The following PARP15 variants were observed in gnomAD, a reference collection of about 807,000 sequenced individuals.
PARP15 encodes protein mono-ADP-ribosyltransferase PARP15.
In PARP15, 50 loss-of-function variants were observed where a neutral mutation model predicts 62.1. The ratio of observed to expected loss-of-function variants is 0.81; its 90% confidence interval spans 0.64 to 1.02. The LOEUF (loss-of-function observed/expected upper bound fraction) is 1.02. Ranked by LOEUF, PARP15 falls within the 50% of genes least tolerant of loss-of-function variation. The probability of loss-of-function intolerance (pLI) is 0.00; values close to 1 mark genes in which losing one functional copy is unlikely to be tolerated. For synonymous variants in PARP15, 309 were observed against 293.1 expected, an observed-to-expected ratio of 1.05 and a Z score of -0.55; for missense variants, 820 against 826.5, an observed-to-expected ratio of 0.99 and a Z score of 0.10.
chr3:122,583,350 C>T (rs1427620863), intron 1 of PARP15, among the ~76,000 whole-genome samples: 1 of 151,724 alleles, frequency 6.6e-6, no homozygotes, highest in Non-Finnish European at 1.5e-5. Flanking sequence ...TGGTCTCAAA[C>T]TCCTGACCTC....
At chr3:122,611,916 G>C (rs1330596029) in intron 3 of PARP15, among the ~76,000 whole-genome samples, 2 of 151,938 alleles carry the variant, frequency 1.3e-5, no homozygotes, top group Non-Finnish European at 2.9e-5. Flanking sequence ...ATTTCTCCAT[G>C]TTGGTCAGGC....
At chr3:122,633,619 T>C (rs539592351) in intron 10 of PARP15, among the ~76,000 whole-genome samples, 1 of 152,140 alleles carries the variant, frequency 6.6e-6, no homozygotes, top group Non-Finnish European at 1.5e-5. Flanking sequence ...TGAAGTAATA[T>C]AAGAAATCTA....
At chr3:122,618,146 C>A (rs942395979) in intron 6 of PARP15, among the ~76,000 whole-genome samples, 1 of 152,144 alleles carries the variant, frequency 6.6e-6, no homozygotes, top group Non-Finnish European at 1.5e-5. Flanking sequence ...ACTTACCATG[C>A]AGAAGTGAAT....
chr3:122,599,372 C>CAA (rs35376492), intron 1 of PARP15, among the ~76,000 whole-genome samples: 20 of 134,322 alleles, frequency 1.5e-4, no homozygotes, highest in African/African-American at 3.0e-4. Context: ...GACATAGTCT[C>CAA]AAAAAAAAAA....
chr3:122,612,285 A>G (rs115067738), intron 3 of PARP15, among the ~76,000 whole-genome samples: 5,668 of 145,258 alleles, frequency 0.039, 361 homozygotes, highest in African/African-American at 0.13. Flanking sequence ...GAACTCAAGG[A>G]CTCAAGCGAT....
intron 3 of PARP15, among the ~76,000 whole-genome samples, chr3:122,612,805 T>C (rs917338464): frequency 1.3e-5 from 2 of 152,062 alleles, no homozygotes; most frequent in Non-Finnish European, 2.9e-5. Context: ...TTAGTTACAT[T>C]GAGCTACCAT....
chr3:122,603,571 G>A (rs1559948876), intron 1 of PARP15, among the ~76,000 whole-genome samples: 1 of 152,170 alleles, frequency 6.6e-6, no homozygotes, highest in East Asian at 1.9e-4. Context: ...GTGAAGAGTT[G>A]TAACACAATT....
rs1364189657 is a variant in PARP15, at chr3:122,636,450, T to G, written c.*350T>G. ...TGACATTGTTCTTCTTGGAACATGT[T>G]AAGACATCGAATGGTGGCGGGTTAA... is the stretch of plus-strand genomic sequence containing the variant. On this transcript the variant is annotated 3_prime_UTR_variant, in exon 12 of 12. Transcript: ENST00000464300. 1 of 242,584 alleles carries G rather than the reference T, an allele frequency of 4.1e-6. No homozygotes were observed. The highest frequency in any genetic ancestry group is 8.1e-6 in the Non-Finnish European group (1 of 123,676). 15.0% of individuals were successfully genotyped at this position (242,584 alleles called of 1,614,324 possible). A position where few individuals can be genotyped will look rare whatever the true frequency, so the allele number is the denominator to read the frequency against.
chr3:122,577,653 C>A lies in PARP15; in HGVS notation c.-15C>A. 6 of 1,551,508 alleles carry A rather than the reference C, an allele frequency of 3.9e-6. No homozygotes were observed. Among genetic ancestry groups the A allele is most frequent in the South Asian group, 1.2e-5 (1 of 84,014 alleles). The stretch of plus-strand genomic sequence containing the variant: ...CTGTTGGGTGGGGCGCAACTGCAGT[C>A]CCAGCGAGCTGAGGATGGCTGCGCC... On this transcript the variant is annotated 5_prime_UTR_variant, in exon 1 of 12. Transcript: ENST00000464300.
At chr3:122,598,955 G>A (rs1934574990) in intron 1 of PARP15, among the ~76,000 whole-genome samples, 1 of 151,986 alleles carries the variant, frequency 6.6e-6, no homozygotes, top group Non-Finnish European at 1.5e-5. Flanking sequence ...GAGTGCAGTG[G>A]CGTGATCTCA....
intron 6 of PARP15, 24 bp from the exon 7 acceptor site, chr3:122,619,757 T>A: frequency 2.5e-6 from 4 of 1,585,270 alleles, no homozygotes; most frequent in Non-Finnish European, 3.5e-6. Context: ...CTGATGCCTT[T>A]TACCATTAAC....
chr3:122,611,790 C>T (rs1217818529), intron 3 of PARP15, among the ~76,000 whole-genome samples: 1 of 151,388 alleles, frequency 6.6e-6, no homozygotes, highest in East Asian at 2.0e-4. Flanking sequence ...TCTTGGCTCA[C>T]CGCAGCCTCC....
chr3:122,579,700 C>T (rs1017636777), intron 1 of PARP15, among the ~76,000 whole-genome samples: 1 of 151,748 alleles, frequency 6.6e-6, no homozygotes, highest in African/African-American at 2.4e-5. Flanking sequence ...TATTGAGGGC[C>T]GGTCGCGGTG....
At chr3:122,599,065 T>C (rs1934583701) in intron 1 of PARP15, among the ~76,000 whole-genome samples, 1 of 151,968 alleles carries the variant, frequency 6.6e-6, no homozygotes, top group African/African-American at 2.4e-5. Context: ...TCAGCTAATT[T>C]TTTGTATTTT....
At chr3:122,583,250 G>A (rs543545669) in intron 1 of PARP15, among the ~76,000 whole-genome samples, 7 of 147,722 alleles carry the variant, frequency 4.7e-5, no homozygotes, top group East Asian at 4.0e-4. Flanking sequence ...CCTCCTAAAC[G>A]CTGGGATTAC....
intron 9 of PARP15, among the ~76,000 whole-genome samples, chr3:122,629,224 G>A (rs1469915451): frequency 1.3e-5 from 2 of 152,130 alleles, no homozygotes; most frequent in African/African-American, 2.4e-5. Context: ...GTGCAGTGGT[G>A]CAATCTTGGC....
rs1936225780 is a variant in PARP15, at chr3:122,619,819, G to A, written c.1039G>A (p.Val347Met). The change falls in exon 7 of 12, where the codon GTG becomes ATG. Residue 347 changes from valine to methionine, a missense_variant. By Grantham distance (21) the Val-to-Met change is conservative (BLOSUM62 1). This residue lies in a region of PARP15 where 731 missense variants were observed against 727.7 expected (regional missense o/e 1.00). Transcript: ENST00000464300. ...RAILEGAGQA[V>M]ESECAVLAAQ... is the part of the protein sequence containing the mutation. ...TATTTTAGAAGGTGCTGGACAAGCT[G>A]TGGAAAGTGAATGTGCTGTACTAGG... 2 of 1,613,842 alleles carry A rather than the reference G, an allele frequency of 1.2e-6. No homozygotes were observed. Among genetic ancestry groups the A allele is most frequent in the Admixed American group, 1.7e-5 (1 of 60,030 alleles).
At chr3:122,635,236 AAT>A in intron 11 of PARP15, 42 bp downstream of exon 11, 2 of 1,586,126 alleles carry the variant, frequency 1.3e-6, no homozygotes, top group Non-Finnish European at 1.7e-6. Context: ...TAAGGCAAAC[AAT>A]AGTCTCAGAC....
intron 1 of PARP15, among the ~76,000 whole-genome samples, chr3:122,602,140 C>T (rs1470613830): frequency 1.3e-5 from 2 of 152,066 alleles, no homozygotes; most frequent in Admixed American, 1.3e-4. Context: ...TGGGCTTGGT[C>T]TCTTTTACTT....
Sources: allele counts gnomAD v4.1 joint callset (sites outside exome capture counted in the v4.1 genomes callset), GRCh38; gene constraint gnomAD v4.1.1; regional missense constraint gnomAD v4.1.1; transcripts MANE v1.5; gene names NCBI Gene and HGNC (gene_info 2026-07-23, HGNC 2026-07-21).